WDR72: variants seen among roughly 807,000 people sequenced by gnomAD.
The protein encoded by WDR72 is WD repeat-containing protein 72.
In WDR72, 120 loss-of-function variants were observed where a neutral mutation model predicts 124.2. The ratio of observed to expected loss-of-function variants is 0.97; its 90% CI spans 0.83 to 1.12. The LOEUF (loss-of-function observed/expected upper bound fraction) is 1.12. Among genes scored for constraint, WDR72 ranks in the 50% most tolerant of loss-of-function variants. The pLI is 0.00. For synonymous variants in WDR72, 452 were observed against 441.7 expected (o/e 1.02, Z -0.29); for missense variants, 1,387 against 1,278.8 (o/e 1.08, Z -1.29).
rs142505794 is a variant in WDR72, at chr15:53,705,218, G to T, written c.1118C>A (p.Ala373Asp). ...DGSPREIPVTATWTLQDNFDK... is the reference protein window; with the variant it reads ...DGSPREIPVTDTWTLQDNFDK... ...AAAATTATCTTGAAGAGTCCAGGTG[G>T]CAGTTACTGGTATCTCTAAAAAGAA... Residue 373 changes from alanine to aspartate, a missense_variant, in exon 11 of 20, where the codon GCC becomes GAC. By Grantham distance (126) the Ala-to-Asp change is moderately radical (BLOSUM62 -2). Transcript: ENST00000360509. The T allele has an allele frequency of 5.6e-6, 9 of 1,613,212 alleles. No individual in the cohort carries two copies. In the African/African-American group the frequency reaches 1.2e-4, roughly 22 times the overall value.
chr15:53,610,889 T>C (rs1468981063), intron 16 of WDR72, among the ~76,000 whole-genome samples: 2 of 152,138 alleles, frequency 1.3e-5, no homozygotes, highest in African/African-American at 4.8e-5. Context: ...ACCTTGTGAC[T>C]CAACCATCAA....
At chr15:53,712,197 G>C (rs578213728) in intron 7 of WDR72, among the ~76,000 whole-genome samples, 1 of 152,188 alleles carries the variant, frequency 6.6e-6, no homozygotes, top group African/African-American at 2.4e-5. Context: ...ACTAAAATTA[G>C]GATATGCTAC....
intron 17 of WDR72, among the ~76,000 whole-genome samples, chr15:53,609,263 C>A (rs566729091): frequency 6.6e-5 from 10 of 152,124 alleles, no homozygotes; most frequent in African/African-American, 2.4e-4. Context: ...ACTGAAGCTT[C>A]AACAAGCAAG....
intron 15 of WDR72, 46 bp downstream of exon 15, chr15:53,615,380 T>C: frequency 7.0e-7 from 1 of 1,427,948 alleles, no homozygotes; most frequent in Non-Finnish European, 9.7e-7. Flanking sequence ...ATATATATTT[T>C]TAATGTCATA....
intron 18 of WDR72, among the ~76,000 whole-genome samples, chr15:53,555,814 G>C (rs1323754081): frequency 6.6e-6 from 1 of 151,918 alleles, no homozygotes; most frequent in African/African-American, 2.4e-5. Flanking sequence ...AAAGACAAAG[G>C]GTTTCACATC....
At chr15:53,647,199 A>C (rs1335978289) in intron 14 of WDR72, among the ~76,000 whole-genome samples, 1 of 152,166 alleles carries the variant, frequency 6.6e-6, no homozygotes, top group Non-Finnish European at 1.5e-5. Context: ...CAGAACATGA[A>C]ATACTAACTC....
chr15:53,571,869 T>C (rs1214561234), intron 18 of WDR72, among the ~76,000 whole-genome samples: 2 of 152,006 alleles, frequency 1.3e-5, no homozygotes, highest in Non-Finnish European at 2.9e-5. Context: ...TTTGTCCACA[T>C]CCTTACCAAC....
chr15:53,670,253 G>A (rs1464683954), intron 13 of WDR72, among the ~76,000 whole-genome samples: 2 of 152,080 alleles, frequency 1.3e-5, no homozygotes, highest in African/African-American at 4.8e-5. Context: ...CATAAGAAAA[G>A]ATAGCTTAAA....
chr15:53,752,751 G>A (rs554516527), intron 1 of WDR72, among the ~76,000 whole-genome samples: 2 of 152,266 alleles, frequency 1.3e-5, no homozygotes, highest in South Asian at 2.1e-4. Flanking sequence ...AGTAACACAT[G>A]TATCAATTCC....
rs1161875353 is a variant in WDR72, at chr15:53,517,078, G to T, written c.*621C>A. 1 of 155,478 alleles carries T rather than the reference G, an allele frequency of 6.4e-6. No individual in the cohort carries two copies. The highest frequency in any genetic ancestry group is 6.3e-5 in the Admixed American group (1 of 15,896). 9.6% of individuals were successfully genotyped at this position (155,478 alleles called of 1,614,324 possible). ...ATTAGAAGTTCAAATTAACTCAACA[G>T]TACAAGGTTGGTCACTGTTATACTT... On this transcript the variant is annotated 3_prime_UTR_variant, in exon 20 of 20. Coordinates refer to ENST00000360509, the MANE Select transcript of WDR72 (RefSeq NM_182758.4).
intron 18 of WDR72, among the ~76,000 whole-genome samples, chr15:53,559,622 C>T (rs931328967): frequency 5.9e-5 from 9 of 151,982 alleles, no homozygotes; most frequent in Admixed American, 3.3e-4. Flanking sequence ...TCCTGACTAC[C>T]GTTCTTACAC....
chr15:53,629,779 AT>A (rs2014351332), intron 14 of WDR72, among the ~76,000 whole-genome samples: 1 of 152,042 alleles, frequency 6.6e-6, no homozygotes, highest in Admixed American at 6.6e-5. Context: ...AGTCTTGAAA[AT>A]CAGCAGTTTG....
intron 18 of WDR72, among the ~76,000 whole-genome samples, chr15:53,583,546 A>G (rs1490379549): frequency 6.6e-6 from 1 of 151,970 alleles, no homozygotes; most frequent in East Asian, 1.9e-4. Context: ...AGACCTCTTG[A>G]TATTTTTACC....
intron 14 of WDR72, among the ~76,000 whole-genome samples, chr15:53,645,085 C>T (rs2014994908): frequency 6.6e-6 from 1 of 152,076 alleles, no homozygotes; most frequent in Non-Finnish European, 1.5e-5. Context: ...TTCTTGCTAT[C>T]ACTACCAATT....
rs2012824711 is a variant in WDR72, at chr15:53,597,284, A to T, written c.2953-10T>A. 1 of 1,612,780 alleles carries T rather than the reference A, an allele frequency of 6.2e-7. No individual in the cohort carries two copies. Among genetic ancestry groups the T allele is most frequent in the Non-Finnish European group, 8.5e-7 (1 of 1,179,444 alleles). On this transcript the variant is annotated splice_polypyrimidine_tract_variant and intron_variant, in intron 17 of 19. Coordinates refer to ENST00000360509, the MANE Select transcript of WDR72 (RefSeq NM_182758.4). ...GTATTGCTTCAGTTACCTGTAAGGT[A>T]TTTTTTTAAGTGAATTATTTTTAGT...
intron 13 of WDR72, among the ~76,000 whole-genome samples, chr15:53,668,974 G>GAGGAGA (rs58562542): frequency 0.22 from 24,795 of 112,284 alleles, 3,156 homozygotes; most frequent in East Asian, 0.5. Context: ...GGAGGAGGAG[G>GAGGAGA]AGGAGAAGGA....
At chr15:53,696,395 C>A (rs919338455) in intron 13 of WDR72, among the ~76,000 whole-genome samples, 21 of 152,142 alleles carry the variant, frequency 1.4e-4, no homozygotes, top group Non-Finnish European at 2.5e-4. Context: ...GACCTGCTTA[C>A]AGTTGGGCAG....
rs2414251 is a variant in WDR72 at position 53,624,103 on chromosome 15, G to A, written c.1963-7860C>T. On this transcript the variant is annotated intron_variant, in intron 14 of 19. Coordinates refer to ENST00000360509, the MANE Select transcript of WDR72 (RefSeq NM_182758.4). Reference sequence around the variant, plus strand: ...CATTTGTTGGGTGCATTGCAAATATGAGAAGACCTCTGAAGTGATGGCTAG... The same window carrying A: ...CATTTGTTGGGTGCATTGCAAATATAAGAAGACCTCTGAAGTGATGGCTAG... Among the ~76,000 whole-genome samples the A allele has an allele frequency of 9.4e-3, 1,428 of 152,180 alleles. 31 individuals are homozygous for A. Among genetic ancestry groups the A allele is most frequent in the African/African-American group, 0.033 (1,376 of 41,536 alleles).
chr15:53,665,712 CACA>C lies in WDR72; in HGVS notation c.1819_1821del (p.Cys607del). 3 of 1,613,886 alleles carry C rather than the reference CACA, an allele frequency of 1.9e-6. No homozygotes were observed. The highest frequency in any genetic ancestry group is 2.5e-6 in the Non-Finnish European group (3 of 1,179,880). Reference sequence around the variant, plus strand: ...ACAGACTTCACAAGCTGTGAATCATCACAACAATTAAGAATAATTCGTGCTCTT... The same window carrying C: ...ACAGACTTCACAAGCTGTGAATCATCACAATTAAGAATAATTCGTGCTCTT... On this transcript the variant is annotated inframe_deletion, in exon 14 of 20. Transcript: ENST00000360509.
Sources: gnomAD v4.1 joint callset for allele counts (sites outside exome capture counted in the v4.1 genomes callset) on GRCh38, gnomAD v4.1.1 for gene constraint, MANE v1.5 for transcripts, NCBI Gene and HGNC (gene_info 2026-07-23, HGNC 2026-07-21) for gene names.